Variants in ADORA2B observed in about 807,000 individuals in gnomAD.
ADORA2B encodes the protein adenosine A2b receptor, also known as adenosine receptor A2b.
In ADORA2B, 18 loss-of-function variants were observed where a neutral mutation model predicts 20.8. That is an observed-to-expected ratio of 0.87 (90% CI 0.60 to 1.29). The LOEUF is 1.29. ADORA2B is among the 50% of genes most tolerant of loss of function. The pLI is 0.00. For synonymous variants in ADORA2B, 179 were observed against 178.3 expected, an observed-to-expected ratio of 1.00 and a Z score of -0.03; for missense variants, 441 against 422.7, an observed-to-expected ratio of 1.04 and a Z score of -0.38.
chr17:15,970,149 T>G (rs1970173662), intron 1 of ADORA2B, among the ~76,000 whole-genome samples: 1 of 152,232 alleles, frequency 6.6e-6, no homozygotes, highest in African/African-American at 2.4e-5. Flanking sequence ...TTTTCTGTGT[T>G]TCCCATTAGC....
the ADORA2B span, among the ~76,000 whole-genome samples, chr17:15,905,766 C>G: frequency 1.8e-3 from 270 of 152,274 alleles, 2 homozygotes; most frequent in African/African-American, 6.2e-3. Flanking sequence ...AGCAATTCTC[C>G]TGCCTCAGCC....
the ADORA2B span, among the ~76,000 whole-genome samples, chr17:15,911,260 C>T: frequency 6.6e-6 from 1 of 152,244 alleles, no homozygotes; most frequent in Non-Finnish European, 1.5e-5. Flanking sequence ...CTTTTGTTGA[C>T]ATAATCGATG....
At chr17:15,888,331 T>C in the ADORA2B span, among the ~76,000 whole-genome samples, 1 of 129,284 alleles carries the variant, frequency 7.7e-6, no homozygotes, top group Non-Finnish European at 1.6e-5. Flanking sequence ...CGGCTGGGAC[T>C]GTGGGGTCGC....
At chr17:15,855,855 A>G in the ADORA2B span, among the ~76,000 whole-genome samples, 1 of 151,930 alleles carries the variant, frequency 6.6e-6, no homozygotes, top group East Asian at 1.9e-4. Flanking sequence ...TCCCCATTCT[A>G]CCACTCTCCA....
intron 1 of ADORA2B, among the ~76,000 whole-genome samples, chr17:15,971,119 C>T (rs1173792025): frequency 4.6e-5 from 7 of 152,208 alleles, no homozygotes; most frequent in Non-Finnish European, 2.9e-5. Context: ...ACCTGTTACC[C>T]GCTGTACTCG....
At chr17:15,923,653 G>A in the ADORA2B span, among the ~76,000 whole-genome samples, 1 of 151,466 alleles carries the variant, frequency 6.6e-6, no homozygotes, top group Non-Finnish European at 1.5e-5. Context: ...TGATCCACGC[G>A]CTTCGGCCTC....
At chr17:15,965,427 G>C (rs951827804) in intron 1 of ADORA2B, among the ~76,000 whole-genome samples, 3 of 152,200 alleles carry the variant, frequency 2.0e-5, no homozygotes, top group Non-Finnish European at 4.4e-5. Flanking sequence ...AAATGCAGTT[G>C]TGTGGTAGGT....
the ADORA2B span, among the ~76,000 whole-genome samples, chr17:15,901,222 T>C: frequency 6.6e-6 from 1 of 152,156 alleles, no homozygotes; most frequent in Non-Finnish European, 1.5e-5. Flanking sequence ...TCCCAGCACT[T>C]TGAGAGGCTG....
At chr17:15,942,556 G>C (rs149607362), upstream of ADORA2B, among the ~76,000 whole-genome samples, 1 of 152,316 alleles carries the variant, frequency 6.6e-6, no homozygotes, top group African/African-American at 2.4e-5. Flanking sequence ...TCCTGATGGA[G>C]GTTGGGCTCT....
chr17:15,931,930 C>G, the ADORA2B span, among the ~76,000 whole-genome samples: 2 of 151,862 alleles, frequency 1.3e-5, no homozygotes, highest in East Asian at 3.9e-4. Context: ...TGGGGTTTAA[C>G]CATGTTGGTC....
In ADORA2B at chr17:15,962,734, T is replaced by C. The variant is rs545941210; in HGVS notation, c.336-11945T>C. 8.5e-5 allele frequency among the ~76,000 whole-genome samples: 13 copies of C among 152,200 alleles called. No individual in the cohort carries two copies. The South Asian group carries it at 2.7e-3, about 32-fold the overall frequency. On this transcript the variant is annotated intron_variant, in intron 1 of 1. Transcript: ENST00000304222. Reference sequence around the variant, plus strand: ...GGTTTCACCGTGTTGGCCAGGCTGGTCTCAAACTCCTGACCTCAGGCAATT... The same window carrying C: ...GGTTTCACCGTGTTGGCCAGGCTGGCCTCAAACTCCTGACCTCAGGCAATT...
intron 1 of ADORA2B, among the ~76,000 whole-genome samples, chr17:15,957,557 C>T (rs1274618747): frequency 6.6e-6 from 1 of 152,132 alleles, no homozygotes; most frequent in East Asian, 1.9e-4. Flanking sequence ...TTCCGGTCGC[C>T]TGGGTGATGC....
chr17:15,948,548 C>T (rs1008159529), intron 1 of ADORA2B, among the ~76,000 whole-genome samples: 4 of 152,200 alleles, frequency 2.6e-5, no homozygotes, highest in African/African-American at 9.6e-5. Context: ...AGCACTTCCT[C>T]CTCCCTGCTT....
intron 1 of ADORA2B, among the ~76,000 whole-genome samples, chr17:15,966,035 G>A (rs913847026): frequency 6.6e-5 from 10 of 152,176 alleles, no homozygotes. Flanking sequence ...AGGTTTGAGT[G>A]GTCTGCTCTA....
chr17:15,915,217 A>C, the ADORA2B span, among the ~76,000 whole-genome samples: 1 of 152,182 alleles, frequency 6.6e-6, no homozygotes, highest in African/African-American at 2.4e-5. Context: ...CAAAGCCAGC[A>C]GCGTTGCCTC....
At chr17:15,913,123 C>A in the ADORA2B span, among the ~76,000 whole-genome samples, 1 of 133,736 alleles carries the variant, frequency 7.5e-6, no homozygotes, top group Non-Finnish European at 1.6e-5. Context: ...GCCCAGAAGC[C>A]CATGGCACTT....
chr17:15,869,975 G>A, the ADORA2B span, among the ~76,000 whole-genome samples: 1 of 152,006 alleles, frequency 6.6e-6, no homozygotes, highest in African/African-American at 2.4e-5. Flanking sequence ...TAGTAATGAT[G>A]TGAGTGATAC....
upstream of ADORA2B, among the ~76,000 whole-genome samples, chr17:15,941,065 G>A (rs148106883): frequency 2.1e-4 from 32 of 152,306 alleles, no homozygotes; most frequent in Non-Finnish European, 4.3e-4. Flanking sequence ...GAGATGAGAC[G>A]ATGTGTACTA....
chr17:15,935,175 T>G, the ADORA2B span, among the ~76,000 whole-genome samples: 2 of 152,230 alleles, frequency 1.3e-5, no homozygotes, highest in Non-Finnish European at 2.9e-5. Flanking sequence ...ACTTTATTTC[T>G]TCATGCATAT....
Sources: allele counts gnomAD v4.1 joint callset (sites outside exome capture counted in the v4.1 genomes callset), GRCh38; gene constraint gnomAD v4.1.1; transcripts MANE v1.5; gene names NCBI Gene and HGNC (gene_info 2026-07-23, HGNC 2026-07-21).